The following IAH1 variants were observed in gnomAD, a reference collection of about 807,000 sequenced individuals.
IAH1 encodes isoamyl acetate hydrolyzing esterase 1 (putative).
Under a neutral mutation model 26.7 loss-of-function variants are expected in IAH1, and 24 were observed. The ratio of observed to expected loss-of-function variants is 0.90; its 90% CI spans 0.65 to 1.26. IAH1 has a LOEUF of 1.26. Ranked by LOEUF, IAH1 falls within the 50% of genes most tolerant of loss-of-function variation. IAH1 has a pLI of 0.00. For missense variants in IAH1, 300 were observed against 299.9 expected, an observed-to-expected ratio of 1.00 and a Z score of 0.00; for synonymous variants, 140 against 118.5, an observed-to-expected ratio of 1.18 and a Z score of -1.18.
At chr2:9,506,259 C>T in the IAH1 span, among the ~76,000 whole-genome samples, 88,304 of 151,640 alleles carry the variant, frequency 0.58, 27,052 homozygotes, top group African/African-American at 0.71. Context: ...TGCCTGTAAC[C>T]ACCAAATCAG....
At chr2:9,499,506 A>G (rs1005525821), downstream of IAH1, among the ~76,000 whole-genome samples, 1 of 151,908 alleles carries the variant, frequency 6.6e-6, no homozygotes, top group African/African-American at 2.4e-5. Flanking sequence ...GGTTCACGCC[A>G]TTCTCCTGCC....
downstream of IAH1, among the ~76,000 whole-genome samples, chr2:9,492,598 C>T (rs1662249738): frequency 6.6e-6 from 1 of 152,146 alleles, no homozygotes; most frequent in South Asian, 2.1e-4. Flanking sequence ...TCAATAAGGG[C>T]TTTACTCATC....
At chr2:9,509,969 A>G in the IAH1 span, 1 of 1,613,320 alleles carries the variant, frequency 6.2e-7, no homozygotes, top group Middle Eastern at 1.7e-4. Context: ...AATTCTCGAC[A>G]CACACATACC....
chr2:9,494,882 T>C (rs1365964971), intron 6 of IAH1: 2 of 1,323,620 alleles, frequency 1.5e-6, no homozygotes, highest in African/African-American at 1.5e-5. Flanking sequence ...CATTTATTTT[T>C]TATTTAAATA....
intron 1 of IAH1, chr2:9,475,274 A>C: frequency 8.7e-7 from 1 of 1,151,722 alleles, no homozygotes; most frequent in Non-Finnish European, 1.2e-6. Context: ...CTCTTCTCAG[A>C]CAGGACTTGC....
intron 3 of IAH1, among the ~76,000 whole-genome samples, chr2:9,480,583 G>T (rs1661111133): frequency 1.3e-5 from 2 of 152,274 alleles, no homozygotes; most frequent in South Asian, 4.2e-4. Flanking sequence ...AAAAGTGTAT[G>T]TATCTTCATG....
At chr2:9,475,544 A>T (rs1682438065) in intron 1 of IAH1, 1 of 204,656 alleles carries the variant, frequency 4.9e-6, no homozygotes, top group South Asian at 6.1e-5. Flanking sequence ...TCTGTCGCCC[A>T]GACTGGAGTG....
intron 3 of IAH1, among the ~76,000 whole-genome samples, chr2:9,478,689 T>C (rs1660970492): frequency 6.6e-6 from 1 of 152,350 alleles, no homozygotes; most frequent in Middle Eastern, 3.4e-3. Flanking sequence ...AAGGATACCT[T>C]GTGGCTTGCA....
chr2:9,490,411 C>T (rs376456430), downstream of IAH1: 20 of 1,613,940 alleles, frequency 1.2e-5, no homozygotes, highest in African/African-American at 1.3e-5. Context: ...CTGCTGGCGC[C>T]GAAGGGATCA....
At chr2:9,490,720 T>C (rs1453035248), downstream of IAH1, among the ~76,000 whole-genome samples, 1 of 152,204 alleles carries the variant, frequency 6.6e-6, no homozygotes, top group East Asian at 1.9e-4. Context: ...TTACTTTTAA[T>C]GGCAAAAACA....
At chr2:9,510,427 AG>A in the IAH1 span, among the ~76,000 whole-genome samples, 1 of 152,192 alleles carries the variant, frequency 6.6e-6, no homozygotes, top group Non-Finnish European at 1.5e-5. Flanking sequence ...GCACTTTGGG[AG>A]GCTGAGGCAG....
downstream of IAH1, among the ~76,000 whole-genome samples, chr2:9,491,505 ACC>A (rs1662147134): frequency 6.6e-6 from 1 of 152,222 alleles, no homozygotes; most frequent in Admixed American, 6.5e-5. Context: ...GTACACCAGG[ACC>A]GCACTGACTG....
At chr2:9,496,507 A>T (rs921203348) in exon 7 of IAH1, 13 of 152,382 alleles carry the variant, frequency 8.5e-5, no homozygotes, top group African/African-American at 3.1e-4. Context: ...GAGTCCAGCC[A>T]GTCCCTGACC....
At chr2:9,492,746 C>T (rs867052757), downstream of IAH1, 3 of 562,322 alleles carry the variant, frequency 5.3e-6, no homozygotes, top group African/African-American at 1.9e-5. Flanking sequence ...TTCTACAAGA[C>T]ATGTTCCCCT....
intron 5 of IAH1, chr2:9,486,123 T>G: frequency 6.6e-6 from 1 of 152,210 alleles, no homozygotes; most frequent in Admixed American, 6.5e-5. Context: ...ACCTACACAT[T>G]TATTATCCAT....
chr2:9,512,155 ACT>A, the IAH1 span, among the ~76,000 whole-genome samples: 1 of 152,144 alleles, frequency 6.6e-6, no homozygotes, highest in Non-Finnish European at 1.5e-5. Context: ...GGGAAAAAAA[ACT>A]TAAATTTTTA....
chr2:9,510,601 T>C, the IAH1 span, among the ~76,000 whole-genome samples: 1 of 151,076 alleles, frequency 6.6e-6, no homozygotes, highest in East Asian at 1.9e-4. Context: ...GGGGCGGAGG[T>C]TGCAGTGAGC....
At chr2:9,504,815 A>G in the IAH1 span, among the ~76,000 whole-genome samples, 810 of 151,208 alleles carry the variant, frequency 5.4e-3, 5 homozygotes, top group African/African-American at 0.019. Flanking sequence ...TAAACCAAGG[A>G]GCATGCAAGG....
the IAH1 span, among the ~76,000 whole-genome samples, chr2:9,506,374 T>G: frequency 1.4e-5 from 2 of 145,998 alleles, no homozygotes; most frequent in African/African-American, 5.2e-5. Context: ...TTTTTTTTTT[T>G]TTTTTTTTTT....
Sources: allele counts gnomAD v4.1 joint callset (sites outside exome capture counted in the v4.1 genomes callset), GRCh38; gene constraint gnomAD v4.1.1; transcripts MANE v1.5; gene names NCBI Gene and HGNC (gene_info 2026-07-23, HGNC 2026-07-21).